Variants in OR51B5 observed in about 807,000 individuals in gnomAD.
OR51B5 encodes the protein olfactory receptor family 51 subfamily B member 5.
For synonymous variants in OR51B5, 186 were observed against 144.8 expected (o/e 1.28, Z -2.04); for missense variants, 456 against 374.6 (o/e 1.22, Z -1.79).
Position 5,354,055 on chromosome 11 carries a change from T to G in OR51B5, n.85-7145A>C, listed in dbSNP as rs375280490. Among the ~76,000 whole-genome samples, 154 of 152,318 alleles carry G rather than the reference T, an allele frequency of 1.0e-3. 1 individual carries two copies. The highest frequency in any genetic ancestry group is 3.6e-3 in the African/African-American group (150 of 41,574). On this transcript the variant is annotated intron_variant and non_coding_transcript_variant, in intron 1 of 4. Transcript: ENST00000415970. ...ACATAGTTCTTATTCCCTACTGTAT[T>G]ACAGAACTTCTCACATAGACCATTT...
At chr11:5,460,313 C>T (rs1012127549) in intron 1 of OR51B5, among the ~76,000 whole-genome samples, 1 of 152,068 alleles carries the variant, frequency 6.6e-6, no homozygotes, top group African/African-American at 2.4e-5. Context: ...ACCTTGGTGA[C>T]AAAATAATTT....
intron 1 of OR51B5, among the ~76,000 whole-genome samples, chr11:5,409,790 C>T (rs543327109): frequency 6.6e-6 from 1 of 152,062 alleles, no homozygotes; most frequent in East Asian, 1.9e-4. Context: ...TAAAACGCAT[C>T]AATCCATATA....
chr11:5,460,326 A>G (rs1344494014), intron 1 of OR51B5, among the ~76,000 whole-genome samples: 3 of 152,238 alleles, frequency 2.0e-5, no homozygotes. Flanking sequence ...AATAATTTGT[A>G]GAATAAATTC....
At chr11:5,502,935 T>C (rs1846316974) in intron 1 of OR51B5, among the ~76,000 whole-genome samples, 1 of 152,174 alleles carries the variant, frequency 6.6e-6, no homozygotes, top group African/African-American at 2.4e-5. Context: ...CAAACATCAT[T>C]TCTTACATAC....
At chr11:5,376,182 G>A (rs1849525021) in intron 1 of OR51B5, among the ~76,000 whole-genome samples, 1 of 151,832 alleles carries the variant, frequency 6.6e-6, no homozygotes, top group African/African-American at 2.4e-5. Context: ...TCAACTACAT[G>A]GAAACTGAAC....
rs148049043 is a variant in OR51B5, at chr11:5,429,289, T to A, written n.84+76280A>T. On this transcript the variant is annotated intron_variant and non_coding_transcript_variant, in intron 1 of 4. Coordinates refer to the OR51B5 transcript ENST00000415970. ...CTCCTGTGTGGCTAGTGTCAATAAA[T>A]TCTTCACCGCAATACCAGGGTCTCA... Among the ~76,000 whole-genome samples, 995 of 152,268 alleles carry A rather than the reference T, an allele frequency of 6.5e-3. 4 individuals are homozygous for A. The highest frequency in any genetic ancestry group is 0.011 in the Non-Finnish European group (745 of 68,022).
At chr11:5,441,350 A>C (rs1182056350) in intron 1 of OR51B5, 1 of 1,614,020 alleles carries the variant, frequency 6.2e-7, no homozygotes, top group South Asian at 1.1e-5. Context: ...GATGCAGAGC[A>C]GGCTCCCAAA....
intron 1 of OR51B5, chr11:5,468,569 T>C (rs111849011): frequency 1.2e-5 from 5 of 428,990 alleles, no homozygotes; most frequent in South Asian, 3.4e-5. Context: ...GGGTAGAGCA[T>C]TGGAGGTACA....
downstream of OR51B5, among the ~76,000 whole-genome samples, chr11:5,342,317 C>T (rs74489455): frequency 6.6e-6 from 1 of 152,004 alleles, no homozygotes; most frequent in Non-Finnish European, 1.5e-5. Flanking sequence ...ATAGACATAC[C>T]AATAGATGCC....
At position 5,370,005 on chromosome 11, in the gene OR51B5, A is replaced by C. The variant is rs981399108; in HGVS notation, n.85-23095T>G. ...TATTCTGTGTCAATCTGTATCAACA[A>C]GATCTTCAAACCTCCCTCTGCATGG... is the stretch of plus-strand genomic sequence containing the variant. On this transcript the variant is annotated intron_variant and non_coding_transcript_variant, in intron 1 of 4. Transcript: ENST00000415970. Among the ~76,000 whole-genome samples, 7 of 152,086 alleles carry C rather than the reference A, an allele frequency of 4.6e-5. No homozygotes were observed. The East Asian group carries it at 1.2e-3, about 25-fold the overall frequency.
intron 1 of OR51B5, chr11:5,430,886 G>A (rs200264222): frequency 2.2e-6 from 1 of 456,962 alleles, no homozygotes; most frequent in South Asian, 1.5e-5. Context: ...CATGTGTTGA[G>A]AGCCTTCCAC....
intron 1 of OR51B5, among the ~76,000 whole-genome samples, chr11:5,499,761 A>T (rs1314678117): frequency 6.6e-6 from 1 of 152,168 alleles, no homozygotes; most frequent in Admixed American, 6.5e-5. Context: ...ACACAAGTCT[A>T]AACAATCTCT....
chr11:5,494,265 A>C (rs1351174572), intron 1 of OR51B5, among the ~76,000 whole-genome samples: 1 of 152,238 alleles, frequency 6.6e-6, no homozygotes, highest in South Asian at 2.1e-4. Context: ...TGCATGTCTC[A>C]TGGTTCCAGG....
At chr11:5,399,045 G>A (rs146971781) in intron 1 of OR51B5, among the ~76,000 whole-genome samples, 9 of 152,184 alleles carry the variant, frequency 5.9e-5, no homozygotes, top group Admixed American at 1.3e-4. Context: ...CACCTCCCTA[G>A]CTTCTTGAAC....
intron 1 of OR51B5, among the ~76,000 whole-genome samples, chr11:5,377,005 CA>C (rs1014815490): frequency 2.2e-4 from 33 of 151,984 alleles, no homozygotes; most frequent in Admixed American, 1.5e-3. Context: ...GAGACACAAC[CA>C]AAAAAGAGAA....
chr11:5,488,722 C>T (rs1355817813), intron 1 of OR51B5: 2 of 1,613,078 alleles, frequency 1.2e-6, no homozygotes, highest in Non-Finnish European at 1.7e-6. Context: ...AGATTCCAAC[C>T]TCAGTGATAA....
intron 1 of OR51B5, among the ~76,000 whole-genome samples, chr11:5,501,873 G>T (rs1192938616): frequency 1.5e-5 from 2 of 129,212 alleles, no homozygotes; most frequent in African/African-American, 5.0e-5. Flanking sequence ...CCCATGAACT[G>T]GTCATTTACA....
chr11:5,404,483 G>A (rs7483040), intron 1 of OR51B5, among the ~76,000 whole-genome samples: 28,423 of 151,908 alleles, frequency 0.19, 3,700 homozygotes, highest in African/African-American at 0.38. Flanking sequence ...AAATCCCACC[G>A]ATCAGCACTC....
chr11:5,392,650 C>T lies in OR51B5; in HGVS notation n.85-45740G>A, dbSNP rs188950208. ...ATATCTGGCTGGGCGCGGTGGCTCA[C>T]GCCTGTAATCCCAGCACTCTGGGAG... On this transcript the variant is annotated intron_variant and non_coding_transcript_variant, in intron 1 of 4. Coordinates refer to the OR51B5 transcript ENST00000415970. 479 of 152,360 alleles carry T rather than the reference C, an allele frequency of 3.1e-3. 1 individual carries two copies. The highest frequency in any genetic ancestry group is 5.2e-3 in the Non-Finnish European group (352 of 68,056). The allele number at this position is 152,360 out of a possible 1,614,324, so 9.4% of individuals were successfully genotyped here. A position where few individuals can be genotyped will look rare whatever the true frequency, so the allele number is the denominator to read the frequency against.
Sources: allele counts gnomAD v4.1 joint callset (sites outside exome capture counted in the v4.1 genomes callset), GRCh38; gene constraint gnomAD v4.1.1; transcripts MANE v1.5; gene names NCBI Gene and HGNC (gene_info 2026-07-23, HGNC 2026-07-21).